CLEC16A: variants seen among roughly 807,000 people sequenced by gnomAD.
The protein encoded by CLEC16A is protein CLEC16A.
In CLEC16A, 51 loss-of-function variants were observed where a neutral mutation model predicts 109.5. The ratio of observed to expected loss-of-function variants is 0.47; its 90% confidence interval spans 0.37 to 0.59. CLEC16A has a LOEUF of 0.59. CLEC16A is among the 20% of genes least tolerant of loss of function. The probability of loss-of-function intolerance (pLI) is 0.00; values close to 1 mark genes in which losing one functional copy is unlikely to be tolerated. For missense variants in CLEC16A, 1,339 were observed against 1,394.0 expected (o/e 0.96, Z 0.63); for synonymous variants, 673 against 564.2 (o/e 1.19, Z -2.73).
chr16:11,164,590 C>T (rs550952765), intron 22 of CLEC16A, among the ~76,000 whole-genome samples: 1 of 152,348 alleles, frequency 6.6e-6, no homozygotes, highest in Admixed American at 6.5e-5. Context: ...TCATCCCCTG[C>T]ACCAGATGGG....
At chr16:11,125,010 G>A (rs1250806014) in intron 21 of CLEC16A, among the ~76,000 whole-genome samples, 1 of 152,108 alleles carries the variant, frequency 6.6e-6, no homozygotes, top group Non-Finnish European at 1.5e-5. Context: ...GATCACTTGA[G>A]CCTGGGAGGT....
At chr16:11,158,227 A>G (rs947796232) in intron 22 of CLEC16A, among the ~76,000 whole-genome samples, 9 of 152,102 alleles carry the variant, frequency 5.9e-5, no homozygotes, top group African/African-American at 2.2e-4. Flanking sequence ...TGGTGAGAAA[A>G]TATGAACACT....
chr16:11,065,920 T>C (rs2047457656), intron 19 of CLEC16A, among the ~76,000 whole-genome samples: 2 of 152,170 alleles, frequency 1.3e-5, no homozygotes, highest in South Asian at 4.2e-4. Flanking sequence ...TACAGGGCTT[T>C]CTCACAGGGA....
intron 19 of CLEC16A, among the ~76,000 whole-genome samples, chr16:11,091,055 C>A (rs2050277218): frequency 6.6e-6 from 1 of 152,110 alleles, no homozygotes; most frequent in African/African-American, 2.4e-5. Context: ...CCACCTTGGC[C>A]TCCCAAGGTG....
chr16:11,175,273 G>A lies in CLEC16A; in HGVS notation c.2807-3062G>A, dbSNP rs919397964. Among the ~76,000 whole-genome samples the A allele has an allele frequency of 2.7e-4, 41 of 152,144 alleles. 1 individual carries two copies. Among genetic ancestry groups the A allele is most frequent in the East Asian group, 7.7e-4 (4 of 5,192 alleles). On this transcript the variant is annotated intron_variant, in intron 23 of 23. Transcript: ENST00000409790. ...TGGTGTCCTCACTGGCCACAGCCAC[G>A]GGATGTCTGTCCGCTGCTTATGGAA...
intron 19 of CLEC16A, among the ~76,000 whole-genome samples, chr16:11,087,628 G>A (rs1230283375): frequency 6.6e-6 from 1 of 152,214 alleles, no homozygotes. Flanking sequence ...TTGGCCTCAG[G>A]CAAGGAAGTT....
intron 19 of CLEC16A, among the ~76,000 whole-genome samples, chr16:11,079,987 C>G (rs1301988595): frequency 1.3e-5 from 2 of 152,162 alleles, no homozygotes; most frequent in Non-Finnish European, 2.9e-5. Flanking sequence ...CTCCCAGGGC[C>G]CCTGGCTTCA....
rs937946328 is a variant in CLEC16A at position 10,954,513 on chromosome 16, C to G, written c.81-3269C>G. On this transcript the variant is annotated intron_variant, in intron 1 of 23. Transcript: ENST00000409790. This position sits in a 1 kb window ranked among gnomAD's most constrained non-coding sequence, Gnocchi z 4.2. The stretch of plus-strand genomic sequence containing the variant: ...CTGCCAAGTTAGTTATCTGTTATCT[C>G]CCAACACCACCAAAATAGGTAGATA... Among the ~76,000 whole-genome samples the G allele has an allele frequency of 1.3e-5, 2 of 152,186 alleles. No individual in the cohort carries two copies. The highest frequency in any genetic ancestry group is 4.8e-5 in the African/African-American group (2 of 41,440).
At chr16:11,146,743 T>G in intron 22 of CLEC16A, among the ~76,000 whole-genome samples, 1 of 99,046 alleles carries the variant, frequency 1.0e-5, no homozygotes, top group Admixed American at 1.2e-4. Flanking sequence ...CAGGAATGGA[T>G]GGGTGGATGG....
intron 16 of CLEC16A, 98 bp downstream of exon 16, chr16:11,044,170 G>C (rs1233541984): frequency 3.8e-6 from 4 of 1,046,282 alleles, no homozygotes; most frequent in Non-Finnish European, 5.3e-6. Flanking sequence ...TATGTCTTCA[G>C]TTATTTTTTA....
At chr16:11,007,029 T>C (rs750562530) in intron 11 of CLEC16A, among the ~76,000 whole-genome samples, 1 of 152,226 alleles carries the variant, frequency 6.6e-6, no homozygotes, top group Non-Finnish European at 1.5e-5. Context: ...GTTTTTTAGC[T>C]TGCCCTTGAG....
intron 1 of CLEC16A, among the ~76,000 whole-genome samples, chr16:10,952,432 C>T (rs567275419): frequency 5.6e-4 from 86 of 152,236 alleles, no homozygotes; most frequent in African/African-American, 1.9e-3. Flanking sequence ...AGGCGGAGGC[C>T]GCAGTGAGCC....
At chr16:10,992,333 T>C (rs896544851) in intron 10 of CLEC16A, among the ~76,000 whole-genome samples, 2 of 151,984 alleles carry the variant, frequency 1.3e-5, no homozygotes, top group African/African-American at 4.8e-5. Flanking sequence ...TCCTCTCTAC[T>C]TCTATGAGAT....
rs368257449 is a variant in CLEC16A, at chr16:11,178,281, C to T, written c.2807-54C>T. On this transcript the variant is annotated intron_variant, in intron 23 of 23. Transcript: ENST00000409790. This position sits in a 1 kb window ranked among gnomAD's most constrained non-coding sequence, Gnocchi z 6.5. ...CAGGATGGGAGCACAGGGCGCAGTG[C>T]GACGGGGTGTCTCAAGGGCTCAGTG... is the stretch of plus-strand genomic sequence containing the variant. 1.4e-5 allele frequency: 21 copies of T among 1,491,612 alleles called. No individual in the cohort carries two copies. Among genetic ancestry groups the T allele is most frequent in the South Asian group, 3.7e-5 (3 of 80,616 alleles). 92.4% of individuals were successfully genotyped at this position (1,491,612 alleles called of 1,614,324 possible).
intron 22 of CLEC16A, among the ~76,000 whole-genome samples, chr16:11,142,833 CAG>C (rs1419361598): frequency 2.6e-5 from 4 of 152,142 alleles, no homozygotes; most frequent in Admixed American, 6.5e-5. Context: ...TTTTTGGAGA[CAG>C]AGTCTTGCTC....
intron 20 of CLEC16A, among the ~76,000 whole-genome samples, chr16:11,122,611 C>T (rs570989732): frequency 7.2e-5 from 11 of 152,190 alleles, no homozygotes; most frequent in Non-Finnish European, 1.6e-4. Flanking sequence ...TCCAAAGAGC[C>T]TGTGCCAAAT....
rs202243620 is a variant in CLEC16A, at chr16:11,178,624, C to T, written c.3096C>T (p.Ala1032=). Residue 1032 remains alanine, a synonymous_variant, in exon 24 of 24, where the codon GCC becomes GCT. Coordinates refer to ENST00000409790, the MANE Select transcript of CLEC16A (RefSeq NM_015226.3). The surrounding 1 kb of genome is among the most constrained non-coding windows in gnomAD (Gnocchi z 6.5). ...TGMPPLSTPA[A]ACTEPVGEEA... is the part of the protein sequence containing the mutation. ...TGCCCCCGCTGTCCACGCCGGCTGCCGCCTGCACAGAGCCCGTGGGCGAAG... is the reference window on the plus strand; with the variant it reads ...TGCCCCCGCTGTCCACGCCGGCTGCTGCCTGCACAGAGCCCGTGGGCGAAG... The T allele has an allele frequency of 5.2e-5, 83 of 1,597,888 alleles. No individual in the cohort carries two copies. The highest frequency in any genetic ancestry group is 2.8e-4 in the South Asian group (25 of 89,560).
At chr16:11,173,812 G>A (rs181027591) in intron 23 of CLEC16A, among the ~76,000 whole-genome samples, 87 of 152,278 alleles carry the variant, frequency 5.7e-4, no homozygotes, top group African/African-American at 1.8e-3. Context: ...GTCCCCTGAG[G>A]CTTCCGACCA....
At chr16:10,983,640 G>T (rs1297601233) in intron 10 of CLEC16A, among the ~76,000 whole-genome samples, 2 of 152,164 alleles carry the variant, frequency 1.3e-5, no homozygotes, top group Non-Finnish European at 1.5e-5. Flanking sequence ...CTGATGGCCA[G>T]TGTTGTGACT....
Sources: gnomAD v4.1 joint callset for allele counts (sites outside exome capture counted in the v4.1 genomes callset) on GRCh38, gnomAD v4.1.1 for gene constraint, Gnocchi (gnomAD v3.1) non-coding constraint, MANE v1.5 for transcripts, NCBI Gene and HGNC (gene_info 2026-07-23, HGNC 2026-07-21) for gene names.